Variants in ZBTB40 observed in about 807,000 individuals in gnomAD.
ZBTB40 encodes zinc finger and BTB domain containing 40, also known as zinc finger and BTB domain-containing protein 40.
A neutral mutation model predicts 117.5 loss-of-function variants in ZBTB40; 60 were observed. That is an observed-to-expected ratio of 0.51 (90% CI 0.41 to 0.63). ZBTB40 has a LOEUF of 0.63. Among genes scored for constraint, ZBTB40 ranks in the 30% least tolerant of loss-of-function variants. The probability of loss-of-function intolerance (pLI) is 0.00; values close to 1 mark genes in which losing one functional copy is unlikely to be tolerated. For missense variants in ZBTB40, 1,287 were observed against 1,498.5 expected (o/e 0.86, Z 2.33); for synonymous variants, 525 against 577.1 (o/e 0.91, Z 1.29).
intron 1 of ZBTB40, among the ~76,000 whole-genome samples, chr1:22,436,601 C>G (rs1477938654): frequency 6.6e-6 from 1 of 152,158 alleles, no homozygotes; most frequent in African/African-American, 2.4e-5. Flanking sequence ...TTCATACATT[C>G]ACACAGGTGA....
At chr1:22,523,048 C>T (rs973884170) in intron 16 of ZBTB40, among the ~76,000 whole-genome samples, 36 of 149,256 alleles carry the variant, frequency 2.4e-4, no homozygotes, top group Non-Finnish European at 4.2e-4. Context: ...CCCAGGTTCA[C>T]GCCATTCTCC....
chr1:22,475,092 T>A (rs1163292587), intron 1 of ZBTB40, among the ~76,000 whole-genome samples: 1 of 152,178 alleles, frequency 6.6e-6, no homozygotes, highest in African/African-American at 2.4e-5. Context: ...ATGACTTTTC[T>A]CTCTTGGATA....
At chr1:22,448,736 C>A (rs1295880537), upstream of ZBTB40, among the ~76,000 whole-genome samples, 1 of 151,974 alleles carries the variant, frequency 6.6e-6, no homozygotes, top group African/African-American at 2.4e-5. Context: ...TGGCATGGTA[C>A]CTGGAAGAAA....
chr1:22,500,104 G>A (rs765017464), intron 3 of ZBTB40, among the ~76,000 whole-genome samples: 1 of 152,200 alleles, frequency 6.6e-6, no homozygotes, highest in Admixed American at 6.5e-5. Flanking sequence ...TTCAGTTTTG[G>A]TTACCAGATT....
At chr1:22,435,470 A>ATC (rs144016060) in intron 1 of ZBTB40, among the ~76,000 whole-genome samples, 30 of 149,598 alleles carry the variant, frequency 2.0e-4, no homozygotes, top group Middle Eastern at 3.4e-3. Flanking sequence ...CTTCCCCCAC[A>ATC]TCTCTCTCTC....
Position 22,526,679 on chromosome 1 carries a change from CAT to C in ZBTB40, c.*284_*285del. 2.4e-6 allele frequency: 1 copy of C among 420,324 alleles called. No homozygotes were observed. Among genetic ancestry groups the C allele is most frequent in the Non-Finnish European group, 4.5e-6 (1 of 222,202 alleles). The allele number at this position is 420,324 out of a possible 1,614,324, so 26.0% of individuals were successfully genotyped here. ...TATGACACTGTCCATCCCCAAGTGACATGTGGCTTCAGAAGTAGAGTCTGAAA... is the reference window on the plus strand; with the variant it reads ...TATGACACTGTCCATCCCCAAGTGACGTGGCTTCAGAAGTAGAGTCTGAAA... On this transcript the variant is annotated 3_prime_UTR_variant, in exon 18 of 18. Coordinates refer to ENST00000375647, the MANE Select transcript of ZBTB40 (RefSeq NM_014870.4).
chr1:22,509,877 C>G (rs889397097), intron 9 of ZBTB40, among the ~76,000 whole-genome samples: 4 of 152,214 alleles, frequency 2.6e-5, no homozygotes, highest in Admixed American at 2.6e-4. Context: ...TTATCTAAAC[C>G]TGGTATCCCC....
intron 1 of ZBTB40, among the ~76,000 whole-genome samples, chr1:22,458,225 T>C (rs1479425063): frequency 6.6e-6 from 1 of 152,246 alleles, no homozygotes; most frequent in African/African-American, 2.4e-5. Context: ...CTGTTACCAG[T>C]GGTCTTTATA....
chr1:22,522,502 G>C, intron 16 of ZBTB40, 39 bp downstream of exon 16: 2 of 1,602,210 alleles, frequency 1.2e-6, no homozygotes, highest in Non-Finnish European at 1.7e-6. Context: ...GCTAGACTCG[G>C]GGCCTGAATC....
Position 22,489,883 on chromosome 1 carries a change from C to G in ZBTB40, c.-66C>G. 1.3e-6 allele frequency: 2 copies of G among 1,516,928 alleles called. No homozygotes were observed. The highest frequency in any genetic ancestry group is 1.8e-6 in the Non-Finnish European group (2 of 1,104,500). The allele number at this position is 1,516,928 out of a possible 1,614,324, so 94.0% of individuals were successfully genotyped here. ...GGTATTTTGTGGGTTTCTCTAGGGC[C>G]TGTCCTCCCAAAGCCAACTCTAAGG... On this transcript the variant is annotated 5_prime_UTR_variant, in exon 2 of 18. Transcript: ENST00000375647.
chr1:22,514,132 G>A (rs1250991910), intron 12 of ZBTB40, among the ~76,000 whole-genome samples: 1 of 152,218 alleles, frequency 6.6e-6, no homozygotes, highest in African/African-American at 2.4e-5. Flanking sequence ...GAAGGATGGA[G>A]AAGGGGTCTC....
intron 3 of ZBTB40, among the ~76,000 whole-genome samples, chr1:22,496,666 G>A (rs1025989051): frequency 6.6e-6 from 1 of 152,184 alleles, no homozygotes; most frequent in Non-Finnish European, 1.5e-5. Flanking sequence ...ACTGGCTGCA[G>A]GTATGGCAAC....
At chr1:22,459,035 A>G (rs1165760107) in intron 1 of ZBTB40, among the ~76,000 whole-genome samples, 16 of 152,200 alleles carry the variant, frequency 1.1e-4, no homozygotes, top group African/African-American at 2.4e-5. Flanking sequence ...GGTTTTGCCA[A>G]TCTGTCAGGT....
At chr1:22,517,740 G>A (rs1352843197) in intron 13 of ZBTB40, 3 of 414,354 alleles carry the variant, frequency 7.2e-6, no homozygotes, top group African/African-American at 2.0e-5. Flanking sequence ...GGCAAATTTT[G>A]TTTGAAGGAG....
chr1:22,466,520 A>G (rs1324654227), intron 1 of ZBTB40, among the ~76,000 whole-genome samples: 1 of 152,136 alleles, frequency 6.6e-6, no homozygotes, highest in East Asian at 1.9e-4. Flanking sequence ...TGAGGGTTCC[A>G]GTTTCTCCAT....
intron 12 of ZBTB40, among the ~76,000 whole-genome samples, chr1:22,515,945 G>A (rs1053559728): frequency 2.6e-5 from 4 of 152,202 alleles, no homozygotes; most frequent in East Asian, 1.9e-4. Flanking sequence ...TGTTAGAGCC[G>A]TTCAGTGTAG....
chr1:22,479,873 G>A (rs537062678), intron 1 of ZBTB40, among the ~76,000 whole-genome samples: 7 of 152,136 alleles, frequency 4.6e-5, no homozygotes, highest in African/African-American at 1.7e-4. Flanking sequence ...ATCCATTGAT[G>A]GATTTCAGTG....
chr1:22,430,617 G>T (rs1454463216), intron 1 of ZBTB40, among the ~76,000 whole-genome samples: 1 of 151,034 alleles, frequency 6.6e-6, no homozygotes, highest in Non-Finnish European at 1.5e-5. Flanking sequence ...AACTACAGGT[G>T]CATGCCACCA....
At chr1:22,505,077 T>C (rs991462130) in intron 5 of ZBTB40, among the ~76,000 whole-genome samples, 1 of 152,178 alleles carries the variant, frequency 6.6e-6, no homozygotes, top group South Asian at 2.1e-4. Flanking sequence ...ACCAATTTGG[T>C]TTTAAAGCTA....
Sources: gnomAD v4.1 joint callset for allele counts (sites outside exome capture counted in the v4.1 genomes callset) on GRCh38, gnomAD v4.1.1 for gene constraint, MANE v1.5 for transcripts, NCBI Gene and HGNC (gene_info 2026-07-23, HGNC 2026-07-21) for gene names.